Variants in COP1 observed in about 807,000 individuals in gnomAD.
COP1 encodes the protein E3 ubiquitin-protein ligase COP1.
A neutral mutation model predicts 101.3 loss-of-function variants in COP1; 24 were observed. The observed-to-expected ratio is 0.24, with a 90% CI of 0.17 to 0.33. The LOEUF (loss-of-function observed/expected upper bound fraction) is 0.33. COP1 is among the 10% of genes least tolerant of loss of function. COP1 has a pLI of 1.00. For synonymous variants in COP1, 347 were observed against 341.9 expected (o/e 1.01, Z -0.17); for missense variants, 663 against 906.2 (o/e 0.73, Z 3.45).
chr1:175,949,339 A>AT (rs1273621261), intron 18 of COP1, among the ~76,000 whole-genome samples: 1 of 151,690 alleles, frequency 6.6e-6, no homozygotes, highest in Non-Finnish European at 1.5e-5. Context: ...TTTGGGATTT[A>AT]TTTACTCTTT....
chr1:176,043,102 A>G (rs1670921885), intron 14 of COP1, 84 bp downstream of exon 14: 2 of 799,582 alleles, frequency 2.5e-6, no homozygotes, highest in Non-Finnish European at 4.3e-6. Flanking sequence ...GTTTGAGTAA[A>G]TATTTGTATT....
At chr1:176,080,177 C>A (rs1165677190) in intron 11 of COP1, among the ~76,000 whole-genome samples, 1 of 151,988 alleles carries the variant, frequency 6.6e-6, no homozygotes, top group Admixed American at 6.6e-5. Context: ...TTTAAAAAAA[C>A]AAACTTCCTA....
chr1:176,128,487 C>G (rs1688399288), intron 8 of COP1, among the ~76,000 whole-genome samples: 1 of 151,922 alleles, frequency 6.6e-6, no homozygotes, highest in Admixed American at 6.6e-5. Flanking sequence ...GGTTTAGGGT[C>G]AGAATTAAGG....
chr1:176,066,812 T>G lies in COP1; in HGVS notation c.1277+14340A>C, dbSNP rs1365433751. Reference sequence around the variant, plus strand: ...AACAAAGATATTTCCTTTGTTCTGGTCTCTAAACTAGAGTTTCTCTATTAA... The same window carrying G: ...AACAAAGATATTTCCTTTGTTCTGGGCTCTAAACTAGAGTTTCTCTATTAA... On this transcript the variant is annotated intron_variant, in intron 11 of 19. Coordinates refer to ENST00000367669, the MANE Select transcript of COP1 (RefSeq NM_022457.7). Among the ~76,000 whole-genome samples the G allele has an allele frequency of 8.5e-5, 13 of 152,162 alleles. 1 individual carries two copies. The highest frequency in any genetic ancestry group is 8.5e-4 in the Admixed American group (13 of 15,276).
At chr1:176,163,633 C>T (rs1694675722) in intron 4 of COP1, among the ~76,000 whole-genome samples, 182 bp downstream of exon 4, 1 of 152,174 alleles carries the variant, frequency 6.6e-6, no homozygotes, top group South Asian at 2.1e-4. Flanking sequence ...AATAGGATCA[C>T]TCTAGTAAAG....
intron 11 of COP1, among the ~76,000 whole-genome samples, chr1:176,052,837 C>T (rs747129186): frequency 1.3e-5 from 2 of 152,060 alleles, no homozygotes; most frequent in Non-Finnish European, 2.9e-5. Flanking sequence ...TTTGCACTTG[C>T]TTTTCTCCCC....
intron 11 of COP1, among the ~76,000 whole-genome samples, chr1:176,051,816 A>AT (rs1483461150): frequency 6.6e-6 from 1 of 152,180 alleles, no homozygotes; most frequent in Non-Finnish European, 1.5e-5. Flanking sequence ...AAAAATTAAA[A>AT]TTAAATTTTA....
intron 15 of COP1, among the ~76,000 whole-genome samples, chr1:176,020,867 T>C (rs934134650): frequency 1.3e-5 from 2 of 152,166 alleles, no homozygotes; most frequent in Non-Finnish European, 1.5e-5. Flanking sequence ...TAAACATAAA[T>C]CACATAATCT....
intron 18 of COP1, among the ~76,000 whole-genome samples, chr1:175,965,573 T>G (rs565763336): frequency 2.9e-4 from 26 of 89,358 alleles, no homozygotes; most frequent in South Asian, 1.0e-3. Flanking sequence ...CTGGGTTTTT[T>G]TTTTGTTTTG....
intron 18 of COP1, among the ~76,000 whole-genome samples, chr1:175,976,814 A>T (rs532694194): frequency 6.6e-6 from 1 of 152,354 alleles, no homozygotes; most frequent in East Asian, 1.9e-4. Context: ...GATAGCTCGT[A>T]ATGAAATAAG....
At chr1:176,035,284 A>T (rs543158580) in intron 14 of COP1, among the ~76,000 whole-genome samples, 1 of 152,190 alleles carries the variant, frequency 6.6e-6, no homozygotes, top group African/African-American at 2.4e-5. Flanking sequence ...TCAAATGAAA[A>T]TTTTTGCAAA....
chr1:176,103,420 A>C (rs1683761348), intron 9 of COP1, among the ~76,000 whole-genome samples: 1 of 152,192 alleles, frequency 6.6e-6, no homozygotes, highest in African/African-American at 2.4e-5. Flanking sequence ...ATGAGTTTCC[A>C]GGTTGGTGAA....
chr1:176,082,774 C>T (rs1399950211), intron 10 of COP1, among the ~76,000 whole-genome samples: 2 of 150,976 alleles, frequency 1.3e-5, no homozygotes, highest in African/African-American at 2.4e-5. Flanking sequence ...CACTGCATTC[C>T]AGCCTGGGCA....
intron 5 of COP1, among the ~76,000 whole-genome samples, chr1:176,157,331 A>G (rs1200173010): frequency 1.3e-5 from 2 of 152,226 alleles, no homozygotes; most frequent in African/African-American, 2.4e-5. Context: ...CTGAGCTACA[A>G]TGAAATCACA....
intron 15 of COP1, chr1:176,017,155 T>C (rs1202369565): frequency 6.6e-6 from 1 of 152,192 alleles, no homozygotes; most frequent in East Asian, 1.9e-4. Context: ...TCACTACCTT[T>C]AGTAAAGAAA....
chr1:176,019,686 A>C (rs1666377409), intron 15 of COP1, among the ~76,000 whole-genome samples: 1 of 151,696 alleles, frequency 6.6e-6, no homozygotes, highest in Non-Finnish European at 1.5e-5. Context: ...CATAGTGAAA[A>C]TACGTTTTTC....
In COP1 at chr1:176,172,787, C is replaced by T. The variant is rs185553407; in HGVS notation, c.565+3123G>A. On this transcript the variant is annotated intron_variant, in intron 3 of 19. Transcript: ENST00000367669. ...ATTCCACTTTCAGGAACACATGGAT[C>T]GACATATCTCAATGACATTACTCTG... 2.6e-4 allele frequency among the ~76,000 whole-genome samples: 39 copies of T among 152,222 alleles called. No individual in the cohort carries two copies. The East Asian group carries it at 7.1e-3, about 28-fold the overall frequency.
intron 15 of COP1, among the ~76,000 whole-genome samples, chr1:175,992,693 G>A (rs1276258476): frequency 6.6e-6 from 1 of 152,254 alleles, no homozygotes; most frequent in Non-Finnish European, 1.5e-5. Flanking sequence ...GAGGCTGGGG[G>A]AGGGGCACCT....
Position 176,057,380 on chromosome 1 carries a change from G to A in COP1, c.1278-11056C>T, listed in dbSNP as rs1571970078. ...TCTCTTTCCACGATCTCCCTCTGATGCCGAGCGGAAGCTGAACTGTACTGC... is the reference window on the plus strand; with the variant it reads ...TCTCTTTCCACGATCTCCCTCTGATACCGAGCGGAAGCTGAACTGTACTGC... On this transcript the variant is annotated intron_variant, in intron 11 of 19. Transcript: ENST00000367669. Among the ~76,000 whole-genome samples the A allele has an allele frequency of 2.6e-5, 4 of 151,992 alleles. No individual in the cohort carries two copies. The South Asian group carries it at 8.3e-4, about 32-fold the overall frequency.
Sources: allele counts gnomAD v4.1 joint callset (sites outside exome capture counted in the v4.1 genomes callset), GRCh38; gene constraint gnomAD v4.1.1; transcripts MANE v1.5; gene names NCBI Gene and HGNC (gene_info 2026-07-23, HGNC 2026-07-21).